Variants in MEIOB observed in about 807,000 individuals in gnomAD.
MEIOB encodes meiosis-specific with OB domain-containing protein.
In MEIOB, 50 loss-of-function variants were observed where a neutral mutation model predicts 53.1. That is an observed-to-expected ratio of 0.94 (90% CI 0.75 to 1.19). The LOEUF is 1.19. Among genes scored for constraint, MEIOB ranks in the 50% most tolerant of loss-of-function variants. The probability of loss-of-function intolerance (pLI) is 0.00; values close to 1 mark genes in which losing one functional copy is unlikely to be tolerated. For missense variants in MEIOB, 551 were observed against 550.8 expected (o/e 1.00, Z 0.00); for synonymous variants, 192 against 182.5 (o/e 1.05, Z -0.42).
At chr16:1,854,847 A>G (rs1188696922) in intron 6 of MEIOB, among the ~76,000 whole-genome samples, 3 of 151,014 alleles carry the variant, frequency 2.0e-5, no homozygotes, top group Admixed American at 6.6e-5. Flanking sequence ...AAAAAAAAAA[A>G]GAAGAGTTGA....
At chr16:1,844,146 G>C (rs1334663510) in intron 10 of MEIOB, among the ~76,000 whole-genome samples, 1 of 143,996 alleles carries the variant, frequency 6.9e-6, no homozygotes, top group African/African-American at 2.6e-5. Context: ...TTTTTGAGAC[G>C]GGGTCTCGCT....
At chr16:1,847,575 C>A (rs968362773) in intron 9 of MEIOB, among the ~76,000 whole-genome samples, 1 of 150,568 alleles carries the variant, frequency 6.6e-6, no homozygotes, top group East Asian at 1.9e-4. Context: ...GTTTGAGACC[C>A]CCCAAAAAAA....
chr16:1,845,937 A>G (rs1462004676), intron 9 of MEIOB, among the ~76,000 whole-genome samples: 1 of 152,118 alleles, frequency 6.6e-6, no homozygotes, highest in African/African-American at 2.4e-5. Context: ...CTCCCCTGGG[A>G]AGATCTGGGC....
At chr16:1,837,995 A>C in intron 12 of MEIOB, 125 bp from the exon 13 acceptor site, 1 of 1,443,432 alleles carries the variant, frequency 6.9e-7, no homozygotes. Flanking sequence ...TTACAGCTCA[A>C]TCGTTTGTTT....
intron 2 of MEIOB, among the ~76,000 whole-genome samples, chr16:1,866,416 A>G (rs1899593496): frequency 6.6e-6 from 1 of 152,156 alleles, no homozygotes; most frequent in Non-Finnish European, 1.5e-5. Flanking sequence ...AAAATTTTAA[A>G]TGTGTTTTAA....
chr16:1,860,085 G>A (rs1899405780), intron 5 of MEIOB, among the ~76,000 whole-genome samples: 1 of 152,164 alleles, frequency 6.6e-6, no homozygotes, highest in South Asian at 2.1e-4. Flanking sequence ...TGAGTAGAAG[G>A]ATACCTTGAC....
In MEIOB at chr16:1,860,493, GTA is replaced by G; in HGVS notation, c.260-20_260-19del. The G allele has an allele frequency of 7.2e-7, 1 of 1,390,788 alleles. No individual in the cohort carries two copies. Among genetic ancestry groups the G allele is most frequent in the Non-Finnish European group, 9.9e-7 (1 of 1,007,784 alleles). 86.2% of individuals were successfully genotyped at this position (1,390,788 alleles called of 1,614,324 possible). On this transcript the variant is annotated intron_variant, in intron 4 of 13. Coordinates refer to ENST00000325962, the MANE Select transcript of MEIOB (RefSeq NM_001163560.3). Reference sequence around the variant, plus strand: ...AATTATCACTAAAACAGAGGGCAAAGTATGATGATATTACAAAACAGTAACAA... The same window carrying G: ...AATTATCACTAAAACAGAGGGCAAAGTGATGATATTACAAAACAGTAACAA...
rs938187227 is a variant in MEIOB, at chr16:1,834,236, G to C, written c.*20C>G. On this transcript the variant is annotated 3_prime_UTR_variant, in exon 14 of 14. Transcript: ENST00000325962. ...GTTAAAACTCTTATACTTTTCCAGA[G>C]TTCAAAATGATAGACCGTTTTAAAC... 3 of 1,354,654 alleles carry C rather than the reference G, an allele frequency of 2.2e-6. No individual in the cohort carries two copies. In the African/African-American group the frequency reaches 4.3e-5, roughly 20 times the overall value. The allele number at this position is 1,354,654 out of a possible 1,614,324, so 83.9% of individuals were successfully genotyped here.
rs983605227 is a variant in MEIOB, at chr16:1,854,215, T to C, written c.529-15A>G. On this transcript the variant is annotated splice_polypyrimidine_tract_variant and intron_variant, in intron 6 of 13. Transcript: ENST00000325962. ...GGCTCTCCAACCTTAGAAATGGAAATAAATCATTACTCTTCACCTATATGT... is the reference window on the plus strand; with the variant it reads ...GGCTCTCCAACCTTAGAAATGGAAACAAATCATTACTCTTCACCTATATGT... 9 of 1,432,218 alleles carry C rather than the reference T, an allele frequency of 6.3e-6. No homozygotes were observed. Among genetic ancestry groups the C allele is most frequent in the Non-Finnish European group, 8.6e-6 (9 of 1,041,250 alleles). 88.7% of individuals were successfully genotyped at this position (1,432,218 alleles called of 1,614,324 possible).
At chr16:1,846,081 C>A (rs1899021347) in intron 9 of MEIOB, among the ~76,000 whole-genome samples, 1 of 152,188 alleles carries the variant, frequency 6.6e-6, no homozygotes, top group Admixed American at 6.5e-5. Context: ...CCACTCATCT[C>A]CTTCCTTGTT....
chr16:1,838,258 C>T, intron 12 of MEIOB: 1 of 413,974 alleles, frequency 2.4e-6, no homozygotes, highest in Non-Finnish European at 4.3e-6. Flanking sequence ...CCTCAGCCTC[C>T]CAAAGTGGTA....
At chr16:1,869,426 G>C (rs1457121816) in intron 1 of MEIOB, among the ~76,000 whole-genome samples, 1 of 151,114 alleles carries the variant, frequency 6.6e-6, no homozygotes, top group African/African-American at 2.4e-5. Context: ...CAAATTTAGA[G>C]TTTTACATGC....
At position 1,838,173 on chromosome 16, in the gene MEIOB, TA is replaced by T. The variant is rs1320082002; in HGVS notation, c.1219-304del. The T allele has an allele frequency of 3.0e-5, 15 of 496,992 alleles. No individual in the cohort carries two copies. In the Middle Eastern group the frequency reaches 1.7e-3, roughly 56 times the overall value. The allele number at this position is 496,992 out of a possible 1,614,324, so 30.8% of individuals were successfully genotyped here. On this transcript the variant is annotated intron_variant, in intron 12 of 13. Coordinates refer to ENST00000325962, the MANE Select transcript of MEIOB (RefSeq NM_001163560.3). ...TTCTCTGGCTAATTGTTTTATGTTTTATGTTTTGTAGAGACAGGGTCTCACT... is the reference window on the plus strand; with the variant it reads ...TTCTCTGGCTAATTGTTTTATGTTTTTGTTTTGTAGAGACAGGGTCTCACT...
At chr16:1,857,652 T>G in intron 6 of MEIOB, 83 bp downstream of exon 6, 1 of 1,085,564 alleles carries the variant, frequency 9.2e-7, no homozygotes, top group Non-Finnish European at 1.3e-6. Context: ...CAGCTGATCG[T>G]GACCACTCCA....
In MEIOB at chr16:1,839,353, G is replaced by A. The variant is rs1179743183; in HGVS notation, c.1120C>T (p.Leu374Phe). 6.2e-7 allele frequency: 1 copy of A among 1,614,138 alleles called. No individual in the cohort carries two copies. Among genetic ancestry groups the A allele is most frequent in the East Asian group, 2.2e-5 (1 of 44,894 alleles). Residue 374 changes from leucine to phenylalanine, a missense_variant, in exon 12 of 14, where the codon CTC (leucine) becomes TTC (phenylalanine). Leu to Phe is a conservative substitution (Grantham distance 22, BLOSUM62 0). Transcript: ENST00000325962. ...AGATCAATCAGCACATGGAAACTGA[G>A]AAAGACAGATTTAAAGTCCAAGGAG... ...KNSLDFKSVF[L>F]SFHVLIDLTD...
chr16:1,865,728 A>G (rs1380305151), intron 3 of MEIOB, 50 bp downstream of exon 3: 2 of 1,366,196 alleles, frequency 1.5e-6, no homozygotes, highest in Non-Finnish European at 2.0e-6. Flanking sequence ...TGTTGTAGTC[A>G]TAAGCCAAAG....
At chr16:1,854,010 ATATGAAG>A (rs1262390333) in intron 7 of MEIOB, 83 bp downstream of exon 7, 5 of 742,124 alleles carry the variant, frequency 6.7e-6, no homozygotes, top group Non-Finnish European at 1.2e-5. Context: ...TCCTCTCTTG[ATATGAAG>A]TCCATCATAT....
chr16:1,858,973 T>C (rs943702825), intron 5 of MEIOB, among the ~76,000 whole-genome samples: 2 of 152,110 alleles, frequency 1.3e-5, no homozygotes, highest in African/African-American at 4.8e-5. Flanking sequence ...ACAAGGGATA[T>C]GGTGGTGAAG....
chr16:1,856,758 C>CG (rs1567278725), intron 6 of MEIOB, among the ~76,000 whole-genome samples: 5 of 104,360 alleles, frequency 4.8e-5, no homozygotes, highest in Non-Finnish European at 7.4e-5. Flanking sequence ...CCACGCCAGG[C>CG]CTTTTTTTTT....
Sources: gnomAD v4.1 joint callset for allele counts (sites outside exome capture counted in the v4.1 genomes callset) on GRCh38, gnomAD v4.1.1 for gene constraint, MANE v1.5 for transcripts, NCBI Gene and HGNC (gene_info 2026-07-23, HGNC 2026-07-21) for gene names.